PLA2G4E: variants seen among roughly 807,000 people sequenced by gnomAD.
PLA2G4E encodes the protein cytosolic phospholipase A2 epsilon.
Under a neutral mutation model 109.1 loss-of-function variants are expected in PLA2G4E, and 84 were observed. The ratio of observed to expected loss-of-function variants is 0.77; its 90% CI spans 0.65 to 0.92. The LOEUF is 0.92. PLA2G4E is among the 40% of genes least tolerant of loss of function. The probability of loss-of-function intolerance (pLI) is 0.00; values close to 1 mark genes in which losing one functional copy is unlikely to be tolerated. For synonymous variants in PLA2G4E, 469 were observed against 436.1 expected (o/e 1.08, Z -0.94); for missense variants, 1,057 against 1,076.6 (o/e 0.98, Z 0.25).
chr15:42,005,361 G>A (rs755009763), intron 4 of PLA2G4E, among the ~76,000 whole-genome samples: 6 of 152,202 alleles, frequency 3.9e-5, no homozygotes, highest in Admixed American at 6.5e-5. Context: ...TTCCTTCACT[G>A]AGTCCCTCAC....
In PLA2G4E at chr15:41,999,824, C is replaced by T. The variant is rs56132636; in HGVS notation, c.936+93G>A. 4,622 of 1,369,086 alleles carry T rather than the reference C, an allele frequency of 3.4e-3. 140 individuals are homozygous for T. In the African/African-American group the frequency reaches 0.058, roughly 17 times the overall value. 84.8% of individuals were successfully genotyped at this position (1,369,086 alleles called of 1,614,324 possible). On this transcript the variant is annotated intron_variant, in intron 9 of 19. Transcript: ENST00000399518. Reference sequence around the variant, plus strand: ...GAGAGAGACCCTCACGAGTCACATTCTCTCTTGTACCTCCCCAGGCTCTCC... The same window carrying T: ...GAGAGAGACCCTCACGAGTCACATTTTCTCTTGTACCTCCCCAGGCTCTCC...
chr15:42,000,905 C>T (rs113322044), intron 7 of PLA2G4E, among the ~76,000 whole-genome samples: 1,955 of 152,280 alleles, frequency 0.013, 36 homozygotes, highest in African/African-American at 0.043. Context: ...ATAGAGGGAG[C>T]AGCACTGGGA....
At chr15:42,009,015 G>A (rs2068505509) in intron 2 of PLA2G4E, 1 of 152,208 alleles carries the variant, frequency 6.6e-6, no homozygotes, top group East Asian at 1.9e-4. Context: ...AATCACAGGT[G>A]TTCCTAGCTT....
chr15:42,048,439 C>T (rs547767721), intron 1 of PLA2G4E, among the ~76,000 whole-genome samples: 1 of 152,256 alleles, frequency 6.6e-6, no homozygotes, highest in South Asian at 2.1e-4. Flanking sequence ...AATTACTTTA[C>T]ACATATCAAA....
rs141832290 is a variant in PLA2G4E, at chr15:42,038,811, G to T, written c.183+11710C>A. Among the ~76,000 whole-genome samples, 12 of 152,200 alleles carry T rather than the reference G, an allele frequency of 7.9e-5. No homozygotes were observed. In the East Asian group the frequency reaches 2.3e-3, roughly 29 times the overall value. On this transcript the variant is annotated intron_variant, in intron 1 of 19. Transcript: ENST00000399518. ...TATATTCCTAGGAGTATAAATTGCT[G>T]GGTTATGAGGGATATTATCACCAAT...
At chr15:42,022,632 C>A (rs568791036) in intron 1 of PLA2G4E, among the ~76,000 whole-genome samples, 39 of 152,012 alleles carry the variant, frequency 2.6e-4, no homozygotes, top group Non-Finnish European at 4.7e-4. Context: ...GGTTTGTGCT[C>A]CTATGAGAAT....
intron 10 of PLA2G4E, chr15:41,998,660 C>T (rs541075359): frequency 6.6e-6 from 1 of 152,318 alleles, no homozygotes; most frequent in African/African-American, 2.4e-5. Context: ...GGTTGAGCCC[C>T]TCTTTTACAC....
chr15:42,000,539 C>A (rs774915725), intron 7 of PLA2G4E, among the ~76,000 whole-genome samples: 1 of 152,204 alleles, frequency 6.6e-6, no homozygotes, highest in South Asian at 2.1e-4. Flanking sequence ...TCCTCAGGAC[C>A]AGTCCTTGGC....
Position 41,996,632 on chromosome 15 carries a change from C to T in PLA2G4E, c.1110+492G>A, listed in dbSNP as rs188151956. 4.0e-3 allele frequency among the ~76,000 whole-genome samples: 606 copies of T among 152,316 alleles called. 4 individuals carry two copies. Among genetic ancestry groups the T allele is most frequent in the African/African-American group, 0.014 (572 of 41,580 alleles). On this transcript the variant is annotated intron_variant, in intron 11 of 19. Coordinates refer to ENST00000399518, the Ensembl canonical transcript of PLA2G4E. ...GTGACAGAGGCCCACCGTCTGCTCCCGTGGGAAGAAGGGGCGGTCTGGCCC... is the reference window on the plus strand; with the variant it reads ...GTGACAGAGGCCCACCGTCTGCTCCTGTGGGAAGAAGGGGCGGTCTGGCCC...
intron 18 of PLA2G4E, 145 bp from the exon 19 acceptor site, chr15:41,984,764 T>G: frequency 1.3e-6 from 1 of 744,546 alleles, no homozygotes; most frequent in Non-Finnish European, 2.0e-6. Flanking sequence ...ATTTTGAGAC[T>G]AAAGCCAGGT....
intron 1 of PLA2G4E, among the ~76,000 whole-genome samples, chr15:42,024,101 T>G (rs914217847): frequency 6.6e-5 from 10 of 150,846 alleles, no homozygotes; most frequent in African/African-American, 2.5e-4. Flanking sequence ...AATTAAATGG[T>G]AAATTGGCCA....
Position 41,989,560 on chromosome 15 carries a change from T to G in PLA2G4E, c.1586-8A>C. ...GGGAGAACTCGAACCACTCTGCACA[T>G]GAAGCAGCAGGACGGGGGTCAGTCT... On this transcript the variant is annotated splice_region_variant and splice_polypyrimidine_tract_variant and intron_variant, in intron 14 of 19. Coordinates refer to ENST00000399518, the Ensembl canonical transcript of PLA2G4E. 6.2e-7 allele frequency: 1 copy of G among 1,611,814 alleles called. No individual in the cohort carries two copies. The highest frequency in any genetic ancestry group is 8.5e-7 in the Non-Finnish European group (1 of 1,178,478).
At chr15:42,013,084 G>A (rs1391004138) in intron 2 of PLA2G4E, among the ~76,000 whole-genome samples, 1 of 152,342 alleles carries the variant, frequency 6.6e-6, no homozygotes, top group East Asian at 1.9e-4. Flanking sequence ...GGATGAGGGG[G>A]GAGGTTAGGG....
At chr15:41,990,880 A>G (rs920735430) in intron 13 of PLA2G4E, among the ~76,000 whole-genome samples, 1 of 151,382 alleles carries the variant, frequency 6.6e-6, no homozygotes, top group Non-Finnish European at 1.5e-5. Context: ...TGAATCAGCC[A>G]CTGCAAACGA....
chr15:42,002,619 C>T (rs1275487106), intron 6 of PLA2G4E, 35 bp downstream of exon 6: 2 of 1,561,508 alleles, frequency 1.3e-6, no homozygotes, highest in Non-Finnish European at 1.7e-6. Context: ...CCAGCCGTGG[C>T]CTCTGGAGCT....
intron 1 of PLA2G4E, among the ~76,000 whole-genome samples, chr15:42,036,674 C>A (rs1242346706): frequency 6.6e-6 from 1 of 152,170 alleles, no homozygotes; most frequent in African/African-American, 2.4e-5. Flanking sequence ...ATAGCCGTGT[C>A]GCCCCTGCCC....
At chr15:42,014,037 G>T (rs923054471) in intron 1 of PLA2G4E, among the ~76,000 whole-genome samples, 2 of 151,978 alleles carry the variant, frequency 1.3e-5, no homozygotes, top group Non-Finnish European at 2.9e-5. Flanking sequence ...GGTTACAGGT[G>T]TCTGCCACAT....
In PLA2G4E at chr15:42,035,348, G is replaced by A. The variant is rs1889191032; in HGVS notation, c.183+15173C>T. Among the ~76,000 whole-genome samples the A allele has an allele frequency of 2.6e-5, 4 of 152,214 alleles. No homozygotes were observed. In the South Asian group the frequency reaches 8.3e-4, roughly 32 times the overall value. On this transcript the variant is annotated intron_variant, in intron 1 of 19. Coordinates refer to ENST00000399518, the Ensembl canonical transcript of PLA2G4E. ...TAGGGAAAGCCTCTCCCCATCCTGGGAGGAGCAACCAGCACCTGAAACATT... is the reference window on the plus strand; with the variant it reads ...TAGGGAAAGCCTCTCCCCATCCTGGAAGGAGCAACCAGCACCTGAAACATT...
Position 41,984,430 on chromosome 15 carries a change from G to C in PLA2G4E, c.2386+6C>G. 1 of 1,608,666 alleles carries C rather than the reference G, an allele frequency of 6.2e-7. No individual in the cohort carries two copies. Among genetic ancestry groups the C allele is most frequent in the Non-Finnish European group, 8.5e-7 (1 of 1,176,598 alleles). On this transcript the variant is annotated splice_donor_region_variant and intron_variant, in intron 19 of 19. Coordinates refer to ENST00000399518, the Ensembl canonical transcript of PLA2G4E. ...GTGCTGGGAACTGAGCACAGAGGCAGCTCACCTGGTGCCTTGTATTTTCGG... is the reference window on the plus strand; with the variant it reads ...GTGCTGGGAACTGAGCACAGAGGCACCTCACCTGGTGCCTTGTATTTTCGG...
Sources: allele counts gnomAD v4.1 joint callset (sites outside exome capture counted in the v4.1 genomes callset), GRCh38; gene constraint gnomAD v4.1.1; transcripts MANE v1.5; gene names NCBI Gene and HGNC (gene_info 2026-07-23, HGNC 2026-07-21).